POLB: variants seen among roughly 807,000 people sequenced by gnomAD.
POLB encodes DNA polymerase beta.
Under a neutral mutation model 52.7 loss-of-function variants are expected in POLB, and 37 were observed. The ratio of observed to expected loss-of-function variants is 0.70; its 90% CI spans 0.54 to 0.92. POLB has a LOEUF of 0.92. Among genes scored for constraint, POLB ranks in the 40% least tolerant of loss-of-function variants. POLB has a pLI of 0.00. For synonymous variants in POLB, 138 were observed against 131.3 expected (o/e 1.05, Z -0.35); for missense variants, 313 against 400.8 (o/e 0.78, Z 1.87).
At chr8:42,361,478 G>T in intron 10 of POLB, 113 bp downstream of exon 10, 3 of 766,738 alleles carry the variant, frequency 3.9e-6, no homozygotes, top group African/African-American at 1.7e-5. Flanking sequence ...TTCCTGAAAA[G>T]TCTGAAGAGC....
chr8:42,360,791 C>A (rs2130834627), intron 9 of POLB, among the ~76,000 whole-genome samples: 1 of 151,328 alleles, frequency 6.6e-6, no homozygotes. Context: ...TCTGTGTTGA[C>A]TGGGTTGGTC....
In POLB at chr8:42,338,523, T is replaced by A; in HGVS notation, c.-102T>A. Reference sequence around the variant, plus strand: ...TTCCGCCGGTCGCGCCGGAGCTGGGTTGCTCCTGCTCCCGTCTCCAAGTCC... The same window carrying A: ...TTCCGCCGGTCGCGCCGGAGCTGGGATGCTCCTGCTCCCGTCTCCAAGTCC... On this transcript the variant is annotated 5_prime_UTR_variant, in exon 1 of 14. It adds an upstream start codon to the 5' untranslated region. Coordinates refer to ENST00000265421, the MANE Select transcript of POLB (RefSeq NM_002690.3). The A allele has an allele frequency of 5.0e-6, 5 of 1,007,004 alleles. No individual in the cohort carries two copies. Among genetic ancestry groups the A allele is most frequent in the Non-Finnish European group, 7.8e-6 (5 of 637,606 alleles). The allele number at this position is 1,007,004 out of a possible 1,614,324, so 62.4% of individuals were successfully genotyped here.
At chr8:42,352,306 A>T (rs182899903) in intron 5 of POLB, among the ~76,000 whole-genome samples, 1 of 152,194 alleles carries the variant, frequency 6.6e-6, no homozygotes, top group Non-Finnish European at 1.5e-5. Context: ...CTGCTTAGAC[A>T]TCCTTTTTAT....
intron 3 of POLB, among the ~76,000 whole-genome samples, chr8:42,346,212 G>A (rs1240944547): frequency 6.6e-6 from 1 of 151,824 alleles, no homozygotes; most frequent in Non-Finnish European, 1.5e-5. Flanking sequence ...GTGAGCCACT[G>A]CACCCAGCCT....
Position 42,369,288 on chromosome 8 carries a change from C to A in POLB, c.726C>A (p.Pro242=). 6.3e-7 allele frequency: 1 copy of A among 1,584,336 alleles called. No homozygotes were observed. Among genetic ancestry groups the A allele is most frequent in the Non-Finnish European group, 8.7e-7 (1 of 1,154,570 alleles). Residue 242 remains proline (P), a synonymous_variant, in exon 12 of 14, where the codon CCC becomes CCA. Transcript: ENST00000265421. The stretch of plus-strand genomic sequence containing the variant: ...CATTTTAGGGTGTTTGCCAGCTTCC[C>A]AGTAAAAATGATGAAAAAGAATATC... The part of the protein sequence containing the change: ...ETKFMGVCQL[P]SKNDEKEYPH...
intron 11 of POLB, among the ~76,000 whole-genome samples, chr8:42,367,278 G>A (rs1003941472): frequency 2.0e-5 from 3 of 152,192 alleles, no homozygotes. Context: ...AGGTTGGGTA[G>A]TAAGTGTTAT....
intron 9 of POLB, among the ~76,000 whole-genome samples, chr8:42,359,415 C>T (rs1237346943): frequency 6.6e-6 from 1 of 151,268 alleles, no homozygotes; most frequent in African/African-American, 2.4e-5. Context: ...AGTGTAGTGG[C>T]GTGATCTCGG....
At chr8:42,340,583 T>A (rs1459447119) in intron 2 of POLB, among the ~76,000 whole-genome samples, 1 of 152,044 alleles carries the variant, frequency 6.6e-6, no homozygotes, top group Non-Finnish European at 1.5e-5. Flanking sequence ...TTCCGGGGAG[T>A]CTGCCTGCCC....
chr8:42,369,263 C>A lies in POLB; in HGVS notation c.709-8C>A, dbSNP rs780702814. ...ATCTTTAAACTTGGTTTAAAATGTT[C>A]ATTTTAGGGTGTTTGCCAGCTTCCC... is the stretch of plus-strand genomic sequence containing the variant. On this transcript the variant is annotated splice_polypyrimidine_tract_variant and splice_region_variant and intron_variant, in intron 11 of 13. Transcript: ENST00000265421. 1.3e-6 allele frequency: 2 copies of A among 1,534,360 alleles called. No individual in the cohort carries two copies. Among genetic ancestry groups the A allele is most frequent in the South Asian group, 1.1e-5 (1 of 88,310 alleles).
At chr8:42,354,818 A>G (rs1475670308) in intron 6 of POLB, among the ~76,000 whole-genome samples, 1 of 152,040 alleles carries the variant, frequency 6.6e-6, no homozygotes, top group Non-Finnish European at 1.5e-5. Context: ...CTGGGATTAC[A>G]GTCATGAGCC....
rs867593194 is a variant in POLB, at chr8:42,339,409, A to G, written c.119+340A>G. ...AAATATATGTGGTTCAAGGAATCACATTTTTTCTTTTGGTTGGTCTAAAGT... is the reference window on the plus strand; with the variant it reads ...AAATATATGTGGTTCAAGGAATCACGTTTTTTCTTTTGGTTGGTCTAAAGT... On this transcript the variant is annotated intron_variant, in intron 2 of 13. Transcript: ENST00000265421. 21 of 288,254 alleles carry G rather than the reference A, an allele frequency of 7.3e-5. No homozygotes were observed. The Middle Eastern group carries it at 3.8e-3, about 52-fold the overall frequency. The allele number at this position is 288,254 out of a possible 1,614,324, so 17.9% of individuals were successfully genotyped here.
chr8:42,368,068 A>C (rs1824151904), intron 11 of POLB, among the ~76,000 whole-genome samples: 1 of 152,254 alleles, frequency 6.6e-6, no homozygotes, highest in African/African-American at 2.4e-5. Flanking sequence ...AAACAGAGAA[A>C]TTCTTTAATA....
chr8:42,357,144 T>C lies in POLB; in HGVS notation c.423-25T>C, dbSNP rs768065325. The C allele has an allele frequency of 2.1e-5, 28 of 1,315,698 alleles. No individual in the cohort carries two copies. In the South Asian group the frequency reaches 3.4e-4, roughly 16 times the overall value. 81.5% of individuals were successfully genotyped at this position (1,315,698 alleles called of 1,614,324 possible). A position where few individuals can be genotyped will look rare whatever the true frequency, so the allele number is the denominator to read the frequency against. ...GAGATTTAAATTTTACGAAAATCTTTTGTCTACTTATTCTGTCTTTATAGA... is the reference window on the plus strand; with the variant it reads ...GAGATTTAAATTTTACGAAAATCTTCTGTCTACTTATTCTGTCTTTATAGA... On this transcript the variant is annotated intron_variant, in intron 7 of 13. Coordinates refer to ENST00000265421, the MANE Select transcript of POLB (RefSeq NM_002690.3).
intron 10 of POLB, among the ~76,000 whole-genome samples, chr8:42,361,967 G>A (rs908655950): frequency 2.6e-5 from 4 of 152,126 alleles, no homozygotes; most frequent in African/African-American, 7.2e-5. Context: ...CAGAACATTA[G>A]AAAACATAGA....
intron 2 of POLB, among the ~76,000 whole-genome samples, chr8:42,344,024 AG>A (rs537304675): frequency 1.1e-4 from 16 of 150,582 alleles, no homozygotes; most frequent in Non-Finnish European, 2.1e-4. Flanking sequence ...CCAGCTACTC[AG>A]GAGGCTGAGG....
chr8:42,357,055 T>A, intron 7 of POLB, 114 bp from the exon 8 acceptor site: 1 of 633,150 alleles, frequency 1.6e-6, no homozygotes, highest in Non-Finnish European at 2.8e-6. Flanking sequence ...CTAGCCTTGA[T>A]TTGTGAGAAT....
intron 3 of POLB, among the ~76,000 whole-genome samples, chr8:42,348,690 G>A (rs1280615698): frequency 6.6e-6 from 1 of 152,058 alleles, no homozygotes; most frequent in Non-Finnish European, 1.5e-5. Flanking sequence ...TCAAATAATT[G>A]GAAACAATCT....
Position 42,350,081 on chromosome 8 carries a change from T to C in POLB, c.320+16T>C. 2 of 1,522,862 alleles carry C rather than the reference T, an allele frequency of 1.3e-6. No individual in the cohort carries two copies. The highest frequency in any genetic ancestry group is 1.8e-6 in the Non-Finnish European group (2 of 1,096,618). The allele number at this position is 1,522,862 out of a possible 1,614,324, so 94.3% of individuals were successfully genotyped here. On this transcript the variant is annotated intron_variant, in intron 5 of 13. Coordinates refer to ENST00000265421, the MANE Select transcript of POLB (RefSeq NM_002690.3). ...GTGGCATTGGGTAAGAACTATTTTT[T>C]AAGCAGACACAATCGTCAGTTAGTT...
chr8:42,359,617 G>A (rs1823551721), intron 9 of POLB, among the ~76,000 whole-genome samples: 1 of 147,518 alleles, frequency 6.8e-6, no homozygotes, highest in African/African-American at 2.5e-5. Context: ...ACCCACCTTA[G>A]CCTCCCACAG....
Sources: allele counts gnomAD v4.1 joint callset (sites outside exome capture counted in the v4.1 genomes callset), GRCh38; gene constraint gnomAD v4.1.1; transcripts MANE v1.5; gene names NCBI Gene and HGNC (gene_info 2026-07-23, HGNC 2026-07-21).